Variants in GABRB1 observed in about 807,000 individuals in gnomAD.
GABRB1 encodes gamma-aminobutyric acid receptor subunit beta-1.
In GABRB1, 17 loss-of-function variants were observed where a neutral mutation model predicts 51.6. The observed-to-expected ratio is 0.33, with a 90% CI of 0.23 to 0.49. The LOEUF (loss-of-function observed/expected upper bound fraction) is 0.49. GABRB1 is among the 20% of genes least tolerant of loss of function. The pLI is 0.99. For missense variants in GABRB1, 410 were observed against 600.6 expected (o/e 0.68, Z 3.32); for synonymous variants, 247 against 218.9 (o/e 1.13, Z -1.14).
chr4:47,237,053 A>G (rs1449672191), intron 4 of GABRB1, among the ~76,000 whole-genome samples: 4 of 152,150 alleles, frequency 2.6e-5, no homozygotes, highest in Non-Finnish European at 5.9e-5. Context: ...TCTCAAAATT[A>G]TAATTTCAAC....
chr4:47,185,969 C>T (rs762107894), intron 4 of GABRB1, among the ~76,000 whole-genome samples: 1 of 151,718 alleles, frequency 6.6e-6, no homozygotes, highest in African/African-American at 2.4e-5. Context: ...GAGTACCATG[C>T]GTGGCTATGC....
intron 3 of GABRB1, among the ~76,000 whole-genome samples, chr4:47,048,112 T>C (rs1726179450): frequency 6.6e-6 from 1 of 152,134 alleles, no homozygotes; most frequent in Non-Finnish European, 1.5e-5. Context: ...TTCAAAAATT[T>C]TTACTTTATA....
chr4:47,183,667 C>T (rs1719050968), intron 4 of GABRB1, among the ~76,000 whole-genome samples: 1 of 151,712 alleles, frequency 6.6e-6, no homozygotes, highest in African/African-American at 2.4e-5. Context: ...TTAAATTACT[C>T]CCCTCTTTCT....
chr4:47,036,214 A>T (rs898583236), intron 3 of GABRB1, among the ~76,000 whole-genome samples: 2 of 152,230 alleles, frequency 1.3e-5, no homozygotes, highest in African/African-American at 2.4e-5. Context: ...AGACAAATTT[A>T]ATTTACCAAA....
chr4:47,023,849 A>AAAC (rs1434889660), intron 1 of GABRB1, among the ~76,000 whole-genome samples: 2 of 152,016 alleles, frequency 1.3e-5, no homozygotes, highest in African/African-American at 2.4e-5. Context: ...GTAAGGGTGT[A>AAAC]AACTAATAAC....
chr4:46,999,055 G>T (rs1724100097), intron 1 of GABRB1, among the ~76,000 whole-genome samples: 2 of 152,188 alleles, frequency 1.3e-5, no homozygotes, highest in South Asian at 4.1e-4. Context: ...TTCTGAAAAA[G>T]ATGATACTAT....
rs560559705 is a variant in GABRB1 at position 47,220,605 on chromosome 4, G to A, written c.461+59136G>A. 3.9e-5 allele frequency among the ~76,000 whole-genome samples: 6 copies of A among 151,922 alleles called. No individual in the cohort carries two copies. In the East Asian group the frequency reaches 5.8e-4, roughly 15 times the overall value. ...ATAAACTCAGATCCTGAATCCCTCC[G>A]AAAACCTTCTTTCTATTTTCAGTTA... On this transcript the variant is annotated intron_variant, in intron 4 of 8. Transcript: ENST00000295454.
intron 5 of GABRB1, among the ~76,000 whole-genome samples, chr4:47,396,636 T>C (rs1387464282): frequency 2.0e-5 from 3 of 152,212 alleles, no homozygotes; most frequent in East Asian, 3.8e-4. Flanking sequence ...GTTCATGGCA[T>C]GAAAGAGTGG....
intron 4 of GABRB1, among the ~76,000 whole-genome samples, chr4:47,238,431 A>T (rs933158608): frequency 3.9e-5 from 6 of 152,148 alleles, no homozygotes; most frequent in Non-Finnish European, 8.8e-5. Flanking sequence ...TCAGAGAATC[A>T]TTATACTTTG....
upstream of GABRB1, among the ~76,000 whole-genome samples, chr4:47,028,814 T>TATATATACATACAC (rs1725185616): frequency 1.4e-5 from 2 of 140,722 alleles, no homozygotes; most frequent in Non-Finnish European, 3.0e-5. Context: ...TGTATATATA[T>TATATATACATACAC]GTATATATGG....
At chr4:47,357,981 G>A (rs184381723) in intron 5 of GABRB1, among the ~76,000 whole-genome samples, 1 of 152,092 alleles carries the variant, frequency 6.6e-6, no homozygotes, top group Non-Finnish European at 1.5e-5. Context: ...ATGTGACAAG[G>A]TGCTATGCTA....
At chr4:47,398,730 G>A (rs1046401255) in intron 5 of GABRB1, among the ~76,000 whole-genome samples, 4 of 152,042 alleles carry the variant, frequency 2.6e-5, no homozygotes, top group African/African-American at 7.2e-5. Flanking sequence ...GACTGCAAGC[G>A]CCCGCCACCA....
At chr4:47,042,405 ATGTGTACAG>A (rs372971135) in intron 3 of GABRB1, among the ~76,000 whole-genome samples, 20,139 of 94,048 alleles carry the variant, frequency 0.21, 1,761 homozygotes, top group South Asian at 0.29. Flanking sequence ...ATGTATGTGT[ATGTGTACAG>A]TATATATATA....
chr4:47,051,571 C>T (rs1387571527), intron 3 of GABRB1, among the ~76,000 whole-genome samples: 11 of 152,042 alleles, frequency 7.2e-5, no homozygotes, highest in African/African-American at 2.4e-4. Flanking sequence ...ATTTGTAGTG[C>T]TTTGTTGGTA....
chr4:47,146,852 G>A (rs148044565), intron 3 of GABRB1, among the ~76,000 whole-genome samples: 1 of 151,962 alleles, frequency 6.6e-6, no homozygotes, highest in African/African-American at 2.4e-5. Flanking sequence ...TAGAAAAATT[G>A]TTAAATAATG....
chr4:47,332,009 T>C (rs1049486471), intron 5 of GABRB1, among the ~76,000 whole-genome samples: 8 of 152,248 alleles, frequency 5.3e-5, no homozygotes, highest in Admixed American at 1.3e-4. Context: ...GTGAGTTGGG[T>C]GGTTTTAGGT....
intron 4 of GABRB1, among the ~76,000 whole-genome samples, chr4:47,265,800 G>T (rs1323200101): frequency 1.3e-5 from 2 of 151,422 alleles, no homozygotes; most frequent in African/African-American, 2.4e-5. Flanking sequence ...TTTGTTTTTT[G>T]TTGTTGTTGT....
intron 5 of GABRB1, among the ~76,000 whole-genome samples, chr4:47,391,444 G>T (rs992143204): frequency 1.2e-4 from 19 of 152,316 alleles, no homozygotes; most frequent in Admixed American, 1.0e-3. Context: ...AATGTGAGGT[G>T]CTGTTTTGAC....
At chr4:47,028,678 C>T (rs1725178472), upstream of GABRB1, among the ~76,000 whole-genome samples, 1 of 150,358 alleles carries the variant, frequency 6.7e-6, no homozygotes, top group African/African-American at 2.4e-5. Flanking sequence ...TCATTTGAAC[C>T]TTAAAGTGTG....
Sources: gnomAD v4.1 joint callset for allele counts (sites outside exome capture counted in the v4.1 genomes callset) on GRCh38, gnomAD v4.1.1 for gene constraint, MANE v1.5 for transcripts, NCBI Gene and HGNC (gene_info 2026-07-23, HGNC 2026-07-21) for gene names.